PARD3B: variants seen among roughly 807,000 people sequenced by gnomAD.
The protein encoded by PARD3B is par-3 family cell polarity regulator beta.
In PARD3B, 103 loss-of-function variants were observed where a neutral mutation model predicts 130.2. The ratio of observed to expected loss-of-function variants is 0.79; its 90% CI spans 0.67 to 0.93. The LOEUF (loss-of-function observed/expected upper bound fraction) is 0.93, where lower values mean the gene tolerates loss of function less well. PARD3B is among the 40% of genes least tolerant of loss of function. PARD3B has a pLI of 0.00. For synonymous variants in PARD3B, 583 were observed against 553.2 expected (o/e 1.05, Z -0.76); for missense variants, 1,609 against 1,499.2 (o/e 1.07, Z -1.21).
intron 15 of PARD3B, among the ~76,000 whole-genome samples, chr2:205,234,873 A>G (rs1341735764): frequency 6.6e-6 from 1 of 152,256 alleles, no homozygotes; most frequent in Non-Finnish European, 1.5e-5. Context: ...TTAGAATTCA[A>G]TAGCAGAAAG....
At chr2:204,897,385 GT>G (rs56693580) in intron 2 of PARD3B, among the ~76,000 whole-genome samples, 13 of 127,662 alleles carry the variant, frequency 1.0e-4, no homozygotes, top group East Asian at 4.6e-4. Flanking sequence ...TGTAGGTACT[GT>G]TTTTTTTTTT....
intron 15 of PARD3B, among the ~76,000 whole-genome samples, chr2:205,201,698 G>T (rs765673268): frequency 3.3e-5 from 5 of 152,150 alleles, no homozygotes; most frequent in Non-Finnish European, 7.3e-5. Flanking sequence ...TTAGCTGGGC[G>T]TGGTGGCCCA....
intron 1 of PARD3B, among the ~76,000 whole-genome samples, chr2:204,598,949 A>T (rs2033403111): frequency 6.6e-6 from 1 of 152,036 alleles, no homozygotes. Context: ...AATATGGAAG[A>T]TAAAACATTT....
At chr2:205,072,552 G>T (rs988290994) in intron 4 of PARD3B, among the ~76,000 whole-genome samples, 1 of 152,250 alleles carries the variant, frequency 6.6e-6, no homozygotes, top group Non-Finnish European at 1.5e-5. Context: ...GCACCCAGCT[G>T]AGGATTAAAG....
At chr2:205,233,440 A>C (rs2038931016) in intron 15 of PARD3B, among the ~76,000 whole-genome samples, 1 of 152,152 alleles carries the variant, frequency 6.6e-6, no homozygotes, top group African/African-American at 2.4e-5. Flanking sequence ...AGAAATTATA[A>C]TTACTTGGAT....
rs1001956232 is a variant in PARD3B, at chr2:205,058,123, T to A, written c.504+10433T>A. ...TGTTATACTTTTTCTCCCTATGATT[T>A]TGACTACTCTAGGTGCCTTATACAA... On this transcript the variant is annotated intron_variant, in intron 4 of 22. Transcript: ENST00000406610. Among the ~76,000 whole-genome samples the A allele has an allele frequency of 1.8e-3, 270 of 151,964 alleles. 1 individual carries two copies. Among genetic ancestry groups the A allele is most frequent in the African/African-American group, 6.1e-3 (254 of 41,536 alleles).
intron 1 of PARD3B, among the ~76,000 whole-genome samples, chr2:204,632,010 A>T (rs1338097484): frequency 6.6e-6 from 1 of 152,166 alleles, no homozygotes; most frequent in African/African-American, 2.4e-5. Flanking sequence ...TTGGAGGATA[A>T]ATTAGAAATT....
At chr2:204,622,428 A>G (rs946684642) in intron 1 of PARD3B, among the ~76,000 whole-genome samples, 2 of 152,178 alleles carry the variant, frequency 1.3e-5, no homozygotes, top group African/African-American at 4.8e-5. Context: ...AATTACATAC[A>G]ACTCATTTCC....
rs1701221687 is a variant in PARD3B, at chr2:205,078,718, C to T, written c.505-25708C>T. Among the ~76,000 whole-genome samples the T allele has an allele frequency of 6.6e-6, 1 of 152,180 alleles. No homozygotes were observed. The highest frequency in any genetic ancestry group is 2.1e-4 in the South Asian group (1 of 4,830). On this transcript the variant is annotated intron_variant, in intron 4 of 22. Transcript: ENST00000406610. This position sits in a 1 kb window ranked among gnomAD's most constrained non-coding sequence, Gnocchi z 4.0. ...CTTAATTGAAAATCATAGCGTGCAG[C>T]AGACATTGTGTGACTTCTGAGACTA...
At chr2:205,297,518 C>T (rs952480815) in intron 16 of PARD3B, among the ~76,000 whole-genome samples, 2 of 152,016 alleles carry the variant, frequency 1.3e-5, no homozygotes, top group African/African-American at 4.8e-5. Flanking sequence ...CATTATAATC[C>T]CTTACACAGC....
At position 205,450,466 on chromosome 2, in the gene PARD3B, C is replaced by CTTT. The variant is rs869229400; in HGVS notation, c.3044+9817_3044+9819dup. ...AACTTAAAAAATTTAAGTGCAGATT[C>CTTT]TTTTTTTTTTTTTTTTTTTTTTTTT... On this transcript the variant is annotated intron_variant, in intron 20 of 22. Coordinates refer to ENST00000406610, the MANE Select transcript of PARD3B (RefSeq NM_001302769.2). Among the ~76,000 whole-genome samples, 555 of 78,316 alleles carry CTTT rather than the reference C, an allele frequency of 7.1e-3. 13 individuals carry two copies. Among genetic ancestry groups the CTTT allele is most frequent in the African/African-American group, 0.011 (196 of 18,064 alleles). 51.4% of individuals were successfully genotyped at this position (78,316 alleles called of 152,430 possible).
At chr2:204,697,398 C>T (rs2037661125) in intron 2 of PARD3B, among the ~76,000 whole-genome samples, 1 of 152,030 alleles carries the variant, frequency 6.6e-6, no homozygotes, top group East Asian at 1.9e-4. Context: ...AAATTCATTC[C>T]CTATTGCTCT....
chr2:205,185,687 A>T, intron 13 of PARD3B, 77 bp from the exon 14 acceptor site: 1 of 1,202,936 alleles, frequency 8.3e-7, no homozygotes, highest in Non-Finnish European at 1.2e-6. Context: ...TGCGTCTGAG[A>T]GAGATACTGA....
In PARD3B at chr2:204,965,285, G is replaced by T; in HGVS notation, c.356G>T (p.Gly119Val). The T allele has an allele frequency of 1.9e-6, 3 of 1,613,886 alleles. No individual in the cohort carries two copies. The highest frequency in any genetic ancestry group is 2.5e-6 in the Non-Finnish European group (3 of 1,179,890). Residue 119 changes from glycine (G) to valine (V), a missense_variant, in exon 3 of 23, where the codon GGT becomes GTT. Gly to Val is a moderately radical substitution (Grantham distance 109). Coordinates refer to ENST00000406610, the MANE Select transcript of PARD3B (RefSeq NM_001302769.2). ...AAQLAAFKPI[G>V]GEIEVTPSAL... ...CAACTGGCCGCATTTAAGCCAATTG[G>T]TGGGGAGATTGAAGTAACCCCTTCT... is the stretch of plus-strand genomic sequence containing the variant.
intron 2 of PARD3B, among the ~76,000 whole-genome samples, chr2:204,903,143 C>T (rs1190918820): frequency 6.6e-6 from 1 of 152,198 alleles, no homozygotes; most frequent in Non-Finnish European, 1.5e-5. Flanking sequence ...TAAGTGGGTA[C>T]TTACATTTTA....
chr2:205,050,920 GC>G (rs992149786), intron 4 of PARD3B, among the ~76,000 whole-genome samples: 6 of 152,094 alleles, frequency 3.9e-5, no homozygotes, highest in African/African-American at 1.4e-4. Context: ...CCTGGTTAGT[GC>G]CCGTTGTTCT....
intron 3 of PARD3B, among the ~76,000 whole-genome samples, chr2:204,978,473 T>A (rs1405974184): frequency 6.6e-6 from 1 of 152,216 alleles, no homozygotes; most frequent in African/African-American, 2.4e-5. Flanking sequence ...AAACACAATA[T>A]GTCAGTAGGG....
chr2:205,158,730 A>T lies in PARD3B; in HGVS notation c.1443A>T (p.Glu481Asp), dbSNP rs371497683. The T allele has an allele frequency of 6.2e-7, 1 of 1,610,766 alleles. No homozygotes were observed. The highest frequency in any genetic ancestry group is 1.1e-5 in the South Asian group (1 of 90,754). ...GTGTATTCCCCTAACAGAAAGGAGA[A>T]CCTGACTGCTGTGCACTCTCTCTGG... ...GHFLPRELKG[E>D]PDCCALSLET... The change falls in exon 11 of 23, where the codon GAA becomes GAT. Residue 481 changes from glutamate (E) to aspartate (D), a missense_variant. Coordinates refer to ENST00000406610, the MANE Select transcript of PARD3B (RefSeq NM_001302769.2). The surrounding 1 kb of genome is among the most constrained non-coding windows in gnomAD (Gnocchi z 5.4).
At chr2:204,790,663 C>A (rs1436424010) in intron 2 of PARD3B, among the ~76,000 whole-genome samples, 1 of 152,174 alleles carries the variant, frequency 6.6e-6, no homozygotes, top group African/African-American at 2.4e-5. Context: ...CTGAAATAGC[C>A]AATTACTATA....
Sources: gnomAD v4.1 joint callset for allele counts (sites outside exome capture counted in the v4.1 genomes callset) on GRCh38, gnomAD v4.1.1 for gene constraint, Gnocchi (gnomAD v3.1) non-coding constraint, MANE v1.5 for transcripts, NCBI Gene and HGNC (gene_info 2026-07-23, HGNC 2026-07-21) for gene names.